The following CDC14B variants were observed in gnomAD, a reference collection of about 807,000 sequenced individuals.
CDC14B encodes the protein cell division cycle 14B.
CDC14B carries 22 observed loss-of-function variants against 64.2 expected under a neutral mutation model. The ratio of observed to expected loss-of-function variants is 0.34; its 90% confidence interval spans 0.24 to 0.49. The LOEUF is 0.49. CDC14B is among the 20% of genes least tolerant of loss of function. CDC14B has a pLI of 0.99. For missense variants in CDC14B, 498 were observed against 629.9 expected, an observed-to-expected ratio of 0.79 and a Z score of 2.24; for synonymous variants, 191 against 215.8, an observed-to-expected ratio of 0.89 and a Z score of 1.01.
intron 1 of CDC14B, among the ~76,000 whole-genome samples, chr9:96,585,340 C>T (rs1257347195): frequency 1.3e-5 from 2 of 151,620 alleles, no homozygotes; most frequent in Non-Finnish European, 2.9e-5. Flanking sequence ...AGGTATTTGT[C>T]CTAATGCTTT....
rs1324812025 is a variant in CDC14B, at chr9:96,500,982, A to C, written c.*2771T>G. Reference sequence around the variant, plus strand: ...GAGAGGTAGCAATCACCCCTGTGAGAGGGCTAGAGAGGAGGGGAGGAAGTA... The same window carrying C: ...GAGAGGTAGCAATCACCCCTGTGAGCGGGCTAGAGAGGAGGGGAGGAAGTA... On this transcript the variant is annotated 3_prime_UTR_variant, in exon 14 of 14. Coordinates refer to ENST00000375241, the MANE Select transcript of CDC14B (RefSeq NM_033331.4). The C allele has an allele frequency of 6.6e-6, 1 of 152,362 alleles. No individual in the cohort carries two copies. Among genetic ancestry groups the C allele is most frequent in the Non-Finnish European group, 1.5e-5 (1 of 68,154 alleles). 9.4% of individuals were successfully genotyped at this position (152,362 alleles called of 1,614,324 possible). A position where few individuals can be genotyped will look rare whatever the true frequency, so the allele number is the denominator to read the frequency against.
At chr9:96,566,816 T>A (rs371635188) in intron 1 of CDC14B, 180 of 1,605,526 alleles carry the variant, frequency 1.1e-4, no homozygotes, top group Middle Eastern at 1.7e-4. Flanking sequence ...TCCCGGCTCA[T>A]GACTCCAAAG....
chr9:96,588,536 G>C lies in CDC14B; in HGVS notation c.161-23053C>G, dbSNP rs895796698. On this transcript the variant is annotated intron_variant, in intron 1 of 13. Transcript: ENST00000375241. Reference sequence around the variant, plus strand: ...TAGGGCTCATCTGTCGCCCAGGCTGGAGCGCAGTGGCGTAATCAAGGCTCA... The same window carrying C: ...TAGGGCTCATCTGTCGCCCAGGCTGCAGCGCAGTGGCGTAATCAAGGCTCA... Among the ~76,000 whole-genome samples, 12 of 152,150 alleles carry C rather than the reference G, an allele frequency of 7.9e-5. 1 individual carries two copies. The highest frequency in any genetic ancestry group is 7.3e-5 in the Non-Finnish European group (5 of 68,034).
At chr9:96,618,443 G>T in intron 1 of CDC14B, 1 of 530,372 alleles carries the variant, frequency 1.9e-6, no homozygotes, top group Non-Finnish European at 3.9e-6. Context: ...GAGTCTCCAA[G>T]AACAGTCGAA....
chr9:96,558,603 T>A (rs1842783161), intron 4 of CDC14B, among the ~76,000 whole-genome samples: 1 of 152,230 alleles, frequency 6.6e-6, no homozygotes, highest in Non-Finnish European at 1.5e-5. Context: ...TGTATGACAT[T>A]TTTACAACAA....
chr9:96,520,906 G>A (rs1381141121), intron 12 of CDC14B, among the ~76,000 whole-genome samples: 1 of 150,938 alleles, frequency 6.6e-6, no homozygotes, highest in Non-Finnish European at 1.5e-5. Context: ...GGTGCTGCCT[G>A]CCTCCTCCAC....
chr9:96,615,637 T>C (rs1425264458), intron 1 of CDC14B, among the ~76,000 whole-genome samples: 5 of 152,222 alleles, frequency 3.3e-5, no homozygotes, highest in South Asian at 4.1e-4. Flanking sequence ...AATTGGTGCA[T>C]TGCTTGTGGG....
At chr9:96,532,075 TTC>T (rs1330157333) in intron 9 of CDC14B, among the ~76,000 whole-genome samples, 1 of 152,190 alleles carries the variant, frequency 6.6e-6, no homozygotes, top group African/African-American at 2.4e-5. Context: ...TATTCAGATT[TTC>T]TATTTGTTTT....
intron 4 of CDC14B, among the ~76,000 whole-genome samples, chr9:96,558,902 T>C (rs1842814971): frequency 6.6e-6 from 1 of 152,264 alleles, no homozygotes; most frequent in African/African-American, 2.4e-5. Context: ...GCAAAAGATT[T>C]TTAGCTTCAC....
intron 1 of CDC14B, among the ~76,000 whole-genome samples, chr9:96,617,946 G>A (rs983932022): frequency 6.6e-6 from 1 of 152,128 alleles, no homozygotes; most frequent in Non-Finnish European, 1.5e-5. Flanking sequence ...CAACGTTAGC[G>A]GGACTTGGCT....
rs751724790 is a variant in CDC14B at position 96,566,810 on chromosome 9, G to A, written c.161-1327C>T. The A allele has an allele frequency of 4.4e-6, 7 of 1,606,128 alleles. No individual in the cohort carries two copies. In the South Asian group the frequency reaches 7.8e-5, roughly 18 times the overall value. On this transcript the variant is annotated intron_variant, in intron 1 of 13. Transcript: ENST00000375241. ...ACCAAAGCTGCCCCCGCGCCCTCCC[G>A]GCTCATGACTCCAAAGCATCTGGAA...
chr9:96,509,991 TTAC>T (rs1564199675), intron 12 of CDC14B, among the ~76,000 whole-genome samples: 1 of 152,180 alleles, frequency 6.6e-6, no homozygotes, highest in African/African-American at 2.4e-5. Flanking sequence ...TCTTTGAAGG[TTAC>T]ACAAAGACAA....
chr9:96,593,473 C>T lies in CDC14B; in HGVS notation c.160+25746G>A, dbSNP rs113237955. 8.6e-3 allele frequency among the ~76,000 whole-genome samples: 957 copies of T among 111,068 alleles called. 17 individuals are homozygous for T. Among genetic ancestry groups the T allele is most frequent in the African/African-American group, 0.032 (903 of 28,486 alleles). 72.9% of individuals were successfully genotyped at this position (111,068 alleles called of 152,430 possible). A position where few individuals can be genotyped will look rare whatever the true frequency, so the allele number is the denominator to read the frequency against. On this transcript the variant is annotated intron_variant, in intron 1 of 13. Coordinates refer to ENST00000375241, the MANE Select transcript of CDC14B (RefSeq NM_033331.4). ...CTGCACTCCAGAACGGGCGACAGAG[C>T]AAGACTTGGTCTCAAAAAAAAAAAA...
intron 9 of CDC14B, among the ~76,000 whole-genome samples, chr9:96,527,681 T>TCTCAGCTCACCGCAAG (rs1837793060): frequency 6.6e-6 from 1 of 151,992 alleles, no homozygotes; most frequent in Non-Finnish European, 1.5e-5. Flanking sequence ...AATGGCGCAA[T>TCTCAGCTCACCGCAAG]CTCAGCTCAC....
intron 1 of CDC14B, among the ~76,000 whole-genome samples, chr9:96,587,206 G>A (rs1169915776): frequency 6.6e-6 from 1 of 151,928 alleles, no homozygotes; most frequent in Non-Finnish European, 1.5e-5. Context: ...AGAGAAAACA[G>A]TGACTAGGCC....
rs1847833457 is a variant in CDC14B, at chr9:96,619,253, C to T, written c.126G>A (p.Arg42=). The change falls in exon 1 of 14, where the codon CGG becomes CGA. Residue 42 remains arginine, a synonymous_variant. Transcript: ENST00000375241. ...RSSTQQDPRR[R]DPQDDVYLDI... The stretch of plus-strand genomic sequence containing the variant: ...CCAGGTACACGTCGTCCTGGGGGTC[C>T]CGGCGGCGCGGGTCTTGCTGCGTGG... The T allele has an allele frequency of 1.5e-6, 2 of 1,359,736 alleles. No individual in the cohort carries two copies. Among genetic ancestry groups the T allele is most frequent in the Admixed American group, 2.8e-5 (1 of 36,224 alleles). The allele number at this position is 1,359,736 out of a possible 1,614,324, so 84.2% of individuals were successfully genotyped here. A position where few individuals can be genotyped will look rare whatever the true frequency, so the allele number is the denominator to read the frequency against.
chr9:96,590,906 C>T (rs186730105), intron 1 of CDC14B, among the ~76,000 whole-genome samples: 206 of 152,198 alleles, frequency 1.4e-3, no homozygotes, highest in Middle Eastern at 0.01. Flanking sequence ...ATGTGTATAT[C>T]TTCTTTAGAA....
At chr9:96,566,794 G>A (rs1314431654) in intron 1 of CDC14B, 2 of 1,607,096 alleles carry the variant, frequency 1.2e-6, no homozygotes. Flanking sequence ...TACCAAAGCT[G>A]CCCCCGCGCC....
downstream of CDC14B, among the ~76,000 whole-genome samples, chr9:96,497,585 G>C (rs1310777048): frequency 1.3e-5 from 2 of 152,250 alleles, no homozygotes; most frequent in African/African-American, 4.8e-5. Context: ...GCTATTAACT[G>C]AGCAGCTCAC....
Sources: allele counts gnomAD v4.1 joint callset (sites outside exome capture counted in the v4.1 genomes callset), GRCh38; gene constraint gnomAD v4.1.1; transcripts MANE v1.5; gene names NCBI Gene and HGNC (gene_info 2026-07-23, HGNC 2026-07-21).